FOXN3: variants seen among roughly 807,000 people sequenced by gnomAD.
FOXN3 encodes forkhead box N3.
Under a neutral mutation model 38.4 loss-of-function variants are expected in FOXN3, and 7 were observed. The observed-to-expected ratio is 0.18, with a 90% CI of 0.10 to 0.34. The LOEUF is 0.34. Ranked by LOEUF, FOXN3 falls within the 10% of genes least tolerant of loss-of-function variation. FOXN3 has a pLI of 1.00. For missense variants in FOXN3, 456 were observed against 613.4 expected, an observed-to-expected ratio of 0.74 and a Z score of 2.71; for synonymous variants, 230 against 242.2, an observed-to-expected ratio of 0.95 and a Z score of 0.47.
chr14:89,358,184 T>C (rs1294924539), intron 2 of FOXN3, among the ~76,000 whole-genome samples: 1 of 152,212 alleles, frequency 6.6e-6, no homozygotes, highest in Admixed American at 6.5e-5. Context: ...CAACCATCAA[T>C]GTAAACAGAT....
intron 1 of FOXN3, among the ~76,000 whole-genome samples, chr14:89,519,980 A>G (rs1255623989): frequency 6.6e-6 from 1 of 151,998 alleles, no homozygotes; most frequent in Non-Finnish European, 1.5e-5. Context: ...GCACTAGGTG[A>G]AATGTCTGGG....
chr14:89,353,980 G>C (rs1889087809), intron 2 of FOXN3, among the ~76,000 whole-genome samples: 1 of 151,524 alleles, frequency 6.6e-6, no homozygotes, highest in South Asian at 2.1e-4. Context: ...GCATTTTCTT[G>C]GGTTTCATGT....
At chr14:89,331,583 G>A (rs201232440) in intron 3 of FOXN3, among the ~76,000 whole-genome samples, 1 of 152,166 alleles carries the variant, frequency 6.6e-6, no homozygotes, top group South Asian at 2.1e-4. Flanking sequence ...CTAACTCCCC[G>A]TGTGATCTTA....
intron 4 of FOXN3, among the ~76,000 whole-genome samples, chr14:89,181,857 CTAAG>C (rs2139797424): frequency 6.6e-6 from 1 of 152,348 alleles, no homozygotes; most frequent in East Asian, 1.9e-4. Context: ...GGGAGCATCA[CTAAG>C]TGAGAACACG....
intron 1 of FOXN3, among the ~76,000 whole-genome samples, chr14:89,563,439 G>A (rs1272469926): frequency 1.3e-5 from 2 of 152,220 alleles, no homozygotes; most frequent in Non-Finnish European, 2.9e-5. Context: ...GACAGGTCTT[G>A]TGGCTGCTAA....
At chr14:89,391,815 G>A (rs982646830) in intron 2 of FOXN3, among the ~76,000 whole-genome samples, 5 of 152,074 alleles carry the variant, frequency 3.3e-5, no homozygotes, top group Admixed American at 6.6e-5. Flanking sequence ...GACCAACCTG[G>A]GCAACATGGC....
chr14:89,344,568 T>A (rs965553214), intron 3 of FOXN3, among the ~76,000 whole-genome samples: 2 of 152,224 alleles, frequency 1.3e-5, no homozygotes, highest in Non-Finnish European at 2.9e-5. Context: ...CCCATATATA[T>A]GTCACTCTCT....
At chr14:89,571,328 G>A (rs1317450538) in intron 1 of FOXN3, among the ~76,000 whole-genome samples, 2 of 152,058 alleles carry the variant, frequency 1.3e-5, no homozygotes, top group African/African-American at 2.4e-5. Flanking sequence ...GGCCAACATG[G>A]TGAAATCCCA....
chr14:89,605,528 T>C (rs1168537371), intron 1 of FOXN3, among the ~76,000 whole-genome samples: 1 of 151,984 alleles, frequency 6.6e-6, no homozygotes. Flanking sequence ...AGAAATAAAT[T>C]AGAATATACA....
At chr14:89,472,646 A>G (rs1893126555) in intron 1 of FOXN3, among the ~76,000 whole-genome samples, 2 of 148,788 alleles carry the variant, frequency 1.3e-5, no homozygotes, top group Admixed American at 6.8e-5. Context: ...GTGTGAACCC[A>G]GGAGGTGGAG....
chr14:89,402,146 C>T (rs554352979), intron 2 of FOXN3, among the ~76,000 whole-genome samples: 22 of 152,216 alleles, frequency 1.4e-4, no homozygotes, highest in Non-Finnish European at 3.1e-4. Flanking sequence ...TCTTATCATC[C>T]TTGGCACAGA....
chr14:89,418,398 G>A (rs8009197), upstream of FOXN3, among the ~76,000 whole-genome samples: 114,945 of 137,840 alleles, frequency 0.83, 49,192 homozygotes, highest in Non-Finnish European at 0.92. Context: ...AATTTTTTCT[G>A]TCTCAAAAAA....
chr14:89,281,005 A>G lies in FOXN3; in HGVS notation c.690T>C (p.Gly230=), dbSNP rs761402683. 1 of 1,613,592 alleles carries G rather than the reference A, an allele frequency of 6.2e-7. No homozygotes were observed. The highest frequency in any genetic ancestry group is 8.5e-7 in the Non-Finnish European group (1 of 1,179,846). ...TCPQAYQSTS[G]PPIWPGSTFF... ...AGGTACTGCCCGGCCAGATGGGTGG[A>G]CCTGATGTGCTGAAAGAGAAAAGAA... Residue 230 remains glycine (G), a synonymous_variant, in exon 4 of 6, where the codon GGT becomes GGC. Transcript: ENST00000557258.
chr14:89,418,795 C>T (rs1368459920), upstream of FOXN3, among the ~76,000 whole-genome samples: 2 of 152,174 alleles, frequency 1.3e-5, no homozygotes, highest in Non-Finnish European at 2.9e-5. Context: ...GGTCCTGCCC[C>T]TCCATCAGCG....
At chr14:89,343,609 A>G (rs903295399) in intron 3 of FOXN3, among the ~76,000 whole-genome samples, 1 of 145,718 alleles carries the variant, frequency 6.9e-6, no homozygotes, top group Non-Finnish European at 1.5e-5. Context: ...ATCTTTGGAG[A>G]GGCCATTAAT....
chr14:89,210,138 G>A (rs1389294487), intron 4 of FOXN3, among the ~76,000 whole-genome samples: 2 of 152,208 alleles, frequency 1.3e-5, no homozygotes, highest in Non-Finnish European at 2.9e-5. Context: ...CTCATGTTCA[G>A]TTGTAATCCC....
intron 1 of FOXN3, among the ~76,000 whole-genome samples, chr14:89,473,509 G>A (rs1227865552): frequency 6.6e-6 from 1 of 151,968 alleles, no homozygotes; most frequent in Non-Finnish European, 1.5e-5. Context: ...GCAAGTAGCT[G>A]GGACCACAGG....
At chr14:89,180,635 C>G (rs1472131142) in intron 5 of FOXN3, 66 bp downstream of exon 5, 1 of 1,179,276 alleles carries the variant, frequency 8.5e-7, no homozygotes, top group East Asian at 2.7e-5. Context: ...CAGAAGGGAC[C>G]CCGTGGACAG....
At chr14:89,222,994 C>A (rs1189146522) in intron 4 of FOXN3, 1 of 152,030 alleles carries the variant, frequency 6.6e-6, no homozygotes, top group Non-Finnish European at 1.5e-5. Context: ...GTCTTGAACC[C>A]CTGGGCTCAA....
Sources: gnomAD v4.1 joint callset for allele counts (sites outside exome capture counted in the v4.1 genomes callset) on GRCh38, gnomAD v4.1.1 for gene constraint, MANE v1.5 for transcripts, NCBI Gene and HGNC (gene_info 2026-07-23, HGNC 2026-07-21) for gene names.